Variants in ST6GALNAC2 observed in about 807,000 individuals in gnomAD.
ST6GALNAC2 encodes alpha-N-acetylgalactosaminide alpha-2,6-sialyltransferase 2.
In ST6GALNAC2, 42 loss-of-function variants were observed where a neutral mutation model predicts 38.7. That is an observed-to-expected ratio of 1.09 (90% CI 0.85 to 1.40). ST6GALNAC2 has a LOEUF of 1.40. ST6GALNAC2 is among the 40% of genes most tolerant of loss of function. The pLI is 0.00. For synonymous variants in ST6GALNAC2, 233 were observed against 209.0 expected (o/e 1.11, Z -0.99); for missense variants, 506 against 481.7 (o/e 1.05, Z -0.47).
In ST6GALNAC2 at chr17:76,577,925, T is replaced by C. The variant is rs148397348; in HGVS notation, c.186+831A>G. Reference sequence around the variant, plus strand: ...TCACCTGCCCGGGCTACTTGCTGTGTCTCTGAACAGCTTGGCTGTCGCTAA... The same window carrying C: ...TCACCTGCCCGGGCTACTTGCTGTGCCTCTGAACAGCTTGGCTGTCGCTAA... On this transcript the variant is annotated intron_variant, in intron 2 of 8. Coordinates refer to ENST00000225276, the MANE Select transcript of ST6GALNAC2 (RefSeq NM_006456.3). Among the ~76,000 whole-genome samples, 538 of 152,266 alleles carry C rather than the reference T, an allele frequency of 3.5e-3. 3 individuals are homozygous for C. The highest frequency in any genetic ancestry group is 0.012 in the African/African-American group (500 of 41,550).
At chr17:76,569,302 C>T in intron 6 of ST6GALNAC2, 4 of 334,596 alleles carry the variant, frequency 1.2e-5, no homozygotes, top group Non-Finnish European at 2.0e-5. Context: ...GGTGGCAGGG[C>T]TGTAGAAGGA....
Position 76,568,770 on chromosome 17 carries a change from G to C in ST6GALNAC2, c.800C>G (p.Ala267Gly). ...DRPHAYFGPE[A>G]SASKFKLLHP... ...TAGCAGCTTGAATTTACTGGCAGAG[G>C]CTTCTGGTCCAAAATAGGCGTGCGG... is the stretch of plus-strand genomic sequence containing the variant. The change falls in exon 7 of 9, where the codon GCC becomes GGC. Residue 267 changes from alanine to glycine, a missense_variant. Ala to Gly is a moderately conservative substitution (Grantham distance 60, BLOSUM62 0). Transcript: ENST00000225276. The C allele has an allele frequency of 1.2e-6, 2 of 1,613,552 alleles. No individual in the cohort carries two copies. Among genetic ancestry groups the C allele is most frequent in the Non-Finnish European group, 1.7e-6 (2 of 1,179,982 alleles).
chr17:76,575,583 A>G (rs944287039), intron 2 of ST6GALNAC2, among the ~76,000 whole-genome samples: 3 of 152,196 alleles, frequency 2.0e-5, no homozygotes, highest in African/African-American at 7.2e-5. Context: ...CCCTGCCAGC[A>G]CCTTGATTCT....
At chr17:76,569,911 G>A (rs1266194624) in intron 6 of ST6GALNAC2, 2 of 246,872 alleles carry the variant, frequency 8.1e-6, no homozygotes, top group African/African-American at 2.2e-5. Context: ...CAGTGGCGTC[G>A]ATTTTTAGGG....
chr17:76,577,690 A>G (rs888107602), intron 2 of ST6GALNAC2, among the ~76,000 whole-genome samples: 1 of 149,824 alleles, frequency 6.7e-6, no homozygotes, highest in Non-Finnish European at 1.5e-5. Flanking sequence ...ATTCTGCCTC[A>G]GTCTCCCAAG....
chr17:76,570,250 G>A, intron 6 of ST6GALNAC2: 1 of 342,426 alleles, frequency 2.9e-6, no homozygotes, highest in Non-Finnish European at 5.6e-6. Flanking sequence ...GGCAGGGAGA[G>A]TGCAGCCCAA....
At chr17:76,572,818 G>A in intron 4 of ST6GALNAC2, 43 bp from the exon 5 acceptor site, 1 of 1,611,952 alleles carries the variant, frequency 6.2e-7, no homozygotes, top group Non-Finnish European at 8.5e-7. Context: ...GTTACACCAG[G>A]CCGTCTGTTC....
At chr17:76,574,781 A>G (rs2143304613) in intron 2 of ST6GALNAC2, among the ~76,000 whole-genome samples, 1 of 151,240 alleles carries the variant, frequency 6.6e-6, no homozygotes, top group Middle Eastern at 3.4e-3. Flanking sequence ...GGTTCACGCC[A>G]TTCTCCTGCC....
At chr17:76,567,368 G>T in intron 8 of ST6GALNAC2, 85 bp downstream of exon 8, 1 of 973,768 alleles carries the variant, frequency 1.0e-6, no homozygotes, top group Non-Finnish European at 1.6e-6. Context: ...TCCCAGCTCC[G>T]AGGTAAGGGA....
At chr17:76,578,728 A>G (rs1391292047) in intron 2 of ST6GALNAC2, 28 bp downstream of exon 2, 1 of 1,603,834 alleles carries the variant, frequency 6.2e-7, no homozygotes, top group East Asian at 2.2e-5. Flanking sequence ...GGTGCTCAAA[A>G]CTGCCACAGG....
intron 2 of ST6GALNAC2, among the ~76,000 whole-genome samples, chr17:76,578,534 A>G (rs567742485): frequency 1.3e-5 from 2 of 152,288 alleles, no homozygotes; most frequent in Admixed American, 6.5e-5. Context: ...GCTACACCCC[A>G]TGAGTACATA....
rs71158024 is a variant in ST6GALNAC2 at position 76,577,573 on chromosome 17, ATTTTTTTTTT to A, written c.186+1173_186+1182del. ...CGGCCAAGTGCCCATTGGCCTCTGT[ATTTTTTTTTT>A]TTTTTTTTTTGAGACGGAGTTTCGC... On this transcript the variant is annotated intron_variant, in intron 2 of 8. Transcript: ENST00000225276. Among the ~76,000 whole-genome samples, 161 of 117,112 alleles carry A rather than the reference ATTTTTTTTTT, an allele frequency of 1.4e-3. 1 individual carries two copies. The highest frequency in any genetic ancestry group is 5.2e-3 in the African/African-American group (157 of 30,224). 76.8% of individuals were successfully genotyped at this position (117,112 alleles called of 152,430 possible). A position where few individuals can be genotyped will look rare whatever the true frequency, so the allele number is the denominator to read the frequency against.
Position 76,582,162 on chromosome 17 carries a change from GCCTT to G in ST6GALNAC2, c.126-3350_126-3347del, listed in dbSNP as rs1171607496. Among the ~76,000 whole-genome samples the G allele has an allele frequency of 4.0e-3, 458 of 114,818 alleles. 4 individuals carry two copies. The highest frequency in any genetic ancestry group is 0.018 in the Admixed American group (161 of 9,128). The allele number at this position is 114,818 out of a possible 152,430, so 75.3% of individuals were successfully genotyped here. On this transcript the variant is annotated intron_variant, in intron 1 of 8. Coordinates refer to ENST00000225276, the MANE Select transcript of ST6GALNAC2 (RefSeq NM_006456.3). ...TTACAAGCGTGAGCCACCGTGCCCA[GCCTT>G]TTTTTTTTTTTTTTTTTTTTTTTGA...
At chr17:76,567,796 G>T in intron 7 of ST6GALNAC2, 1 of 446,020 alleles carries the variant, frequency 2.2e-6, no homozygotes, top group Non-Finnish European at 4.1e-6. Context: ...TTCACCCCAA[G>T]CTACTAAGTA....
intron 1 of ST6GALNAC2, among the ~76,000 whole-genome samples, chr17:76,584,339 G>A (rs10852772): frequency 0.75 from 114,248 of 151,738 alleles, 43,323 homozygotes; most frequent in East Asian, 0.84. Context: ...GGAAGCACAG[G>A]CATGCACCAC....
At position 76,578,814 on chromosome 17, in the gene ST6GALNAC2, T is replaced by C. The variant is rs762636472; in HGVS notation, c.128A>G (p.Asp43Gly). ...RYPGPAAGARDTTSFEAFFQS... is the reference protein window; with the variant it reads ...RYPGPAAGARGTTSFEAFFQS... The stretch of plus-strand genomic sequence containing the variant: ...AAAGAATGCTTCAAATGATGTGGTG[T>C]CCCTGGGGGAAAAAGCAGAAAAAAG... The change falls in exon 2 of 9, where the codon GAC (aspartate) becomes GGC (glycine). Residue 43 changes from aspartate (D) to glycine (G), a missense_variant and splice_region_variant. Coordinates refer to ENST00000225276, the MANE Select transcript of ST6GALNAC2 (RefSeq NM_006456.3). 6.2e-7 allele frequency: 1 copy of C among 1,613,246 alleles called. No individual in the cohort carries two copies. Among genetic ancestry groups the C allele is most frequent in the Admixed American group, 1.7e-5 (1 of 59,846 alleles).
chr17:76,568,868 T>C, intron 6 of ST6GALNAC2, 72 bp from the exon 7 acceptor site: 75 of 1,398,600 alleles, frequency 5.4e-5, no homozygotes, highest in Non-Finnish European at 6.8e-5. Flanking sequence ...GAGGGGAGGG[T>C]CAGGGCGCCG....
rs752681859 is a variant in ST6GALNAC2 at position 76,574,485 on chromosome 17, G to A, written c.241C>T (p.Arg81Cys). 8.1e-6 allele frequency: 13 copies of A among 1,613,656 alleles called. No homozygotes were observed. Among genetic ancestry groups the A allele is most frequent in the East Asian group, 4.5e-5 (2 of 44,864 alleles). The change falls in exon 3 of 9, where the codon CGT (arginine) becomes TGT (cysteine). Residue 81 changes from arginine (R) to cysteine (C), a missense_variant. Arg to Cys is a radical substitution (Grantham distance 180). Coordinates refer to ENST00000225276, the MANE Select transcript of ST6GALNAC2 (RefSeq NM_006456.3). ...HLAIQRHPHF[R>C]GLFNLSIPVL... ...GGAATGGAGAGATTGAACAGGCCAC[G>A]GAAGTGGGGGTGCCGCTGAATGGCC... is the stretch of plus-strand genomic sequence containing the variant.
chr17:76,571,516 C>T (rs1008943424), intron 5 of ST6GALNAC2, among the ~76,000 whole-genome samples: 2 of 152,242 alleles, frequency 1.3e-5, no homozygotes, highest in Non-Finnish European at 2.9e-5. Flanking sequence ...ATCGCTTGAA[C>T]CCAGGAGGCA....
Sources: gnomAD v4.1 joint callset for allele counts (sites outside exome capture counted in the v4.1 genomes callset) on GRCh38, gnomAD v4.1.1 for gene constraint, MANE v1.5 for transcripts, NCBI Gene and HGNC (gene_info 2026-07-23, HGNC 2026-07-21) for gene names.